KLHDC7B: variants seen among roughly 807,000 people sequenced by gnomAD.
KLHDC7B encodes kelch domain containing 7B, also known as kelch domain-containing protein 7B.
In KLHDC7B, 1 loss-of-function variant was observed where a neutral mutation model predicts 0.6. The ratio of observed to expected loss-of-function variants is 1.71; its 90% CI spans 0.61 to 8.11. KLHDC7B has a LOEUF of 8.11. Ranked by LOEUF, KLHDC7B falls within the 30% of genes most tolerant of loss-of-function variation. The probability of loss-of-function intolerance (pLI) is 0.13; values close to 1 mark genes in which losing one functional copy is unlikely to be tolerated. For synonymous variants in KLHDC7B, 462 were observed against 405.2 expected (o/e 1.14, Z -1.68); for missense variants, 993 against 894.9 (o/e 1.11, Z -1.40).
Position 50,549,464 on chromosome 22 carries a change from C to T in KLHDC7B, c.3221C>T (p.Pro1074Leu). Reference sequence around the variant, plus strand: ...ACAGACGCCTGGACCCCACGCGCGCCACTCCCCGCAGGCACCTTCCCTGTG... The same window carrying T: ...ACAGACGCCTGGACCCCACGCGCGCTACTCCCCGCAGGCACCTTCCCTGTG... ...PRTDAWTPRA[P>L]LPAGTFPVAH... The change falls in exon 1 of 1, where the codon CCA becomes CTA. Residue 1074 changes from proline (P) to leucine (L), a missense_variant. Transcript: ENST00000648057. 9 of 1,612,596 alleles carry T rather than the reference C, an allele frequency of 5.6e-6. No homozygotes were observed. Among genetic ancestry groups the T allele is most frequent in the Non-Finnish European group, 5.9e-6 (7 of 1,179,904 alleles).
chr22:50,548,015 CAT>C, upstream of KLHDC7B: 1 of 586,182 alleles, frequency 1.7e-6, no homozygotes, highest in Non-Finnish European at 2.5e-6. The surrounding 1 kb of genome is among the most constrained non-coding windows in gnomAD (Gnocchi z 5.3). Context: ...ACCCCAGCCG[CAT>C]CCCCTGCCCC....
Position 50,549,596 on chromosome 22 carries a change from C to T in KLHDC7B, c.3353C>T (p.Pro1118Leu), listed in dbSNP as rs2069781402. ...GTGAAGGATGCTTGGGACGAGTGCC[C>T]ATACAGTGCCAGCCACCGGCGTTCC... ...SPVKDAWDECPYSASHRRSSD... is the reference protein window; with the variant it reads ...SPVKDAWDECLYSASHRRSSD... The change falls in exon 1 of 1, where the codon CCA (proline) becomes CTA (leucine). Residue 1118 changes from proline (P) to leucine (L), a missense_variant. Pro to Leu is a moderately conservative substitution (Grantham distance 98). Transcript: ENST00000648057. The T allele has an allele frequency of 1.9e-6, 3 of 1,566,454 alleles. No individual in the cohort carries two copies. The highest frequency in any genetic ancestry group is 2.6e-6 in the Non-Finnish European group (3 of 1,152,504).
In KLHDC7B at chr22:50,548,697, G is replaced by C. The variant is rs771844779; in HGVS notation, c.2454G>C (p.Glu818Asp). Reference protein sequence around the residue: ...GRSGALTEKQEEARKLMVFLQ... With the variant: ...GRSGALTEKQDEARKLMVFLQ... ...GCGGGGCGCTCACGGAAAAGCAGGA[G>C]GAGGCCCGGAAGCTCATGGTGTTTC... The change falls in exon 1 of 1, where the codon GAG becomes GAC. Residue 818 changes from glutamate (E) to aspartate (D), a missense_variant. Transcript: ENST00000648057. The surrounding 1 kb of genome is among the most constrained non-coding windows in gnomAD (Gnocchi z 5.3). 65 of 1,518,966 alleles carry C rather than the reference G, an allele frequency of 4.3e-5. No individual in the cohort carries two copies. The highest frequency in any genetic ancestry group is 5.6e-5 in the Non-Finnish European group (63 of 1,134,140). The allele number at this position is 1,518,966 out of a possible 1,614,324, so 94.1% of individuals were successfully genotyped here.
chr22:50,549,131 T>C lies in KLHDC7B; in HGVS notation c.2888T>C (p.Leu963Pro). The C allele has an allele frequency of 6.2e-7, 1 of 1,602,960 alleles. No homozygotes were observed. The highest frequency in any genetic ancestry group is 8.5e-7 in the Non-Finnish European group (1 of 1,179,756). ...APVSLPLPAH[L>P]HVFNPRENTW... ...GTGTCCCTGCCTCTACCTGCGCACCTGCATGTGTTCAACCCCCGGGAGAAC... is the reference window on the plus strand; with the variant it reads ...GTGTCCCTGCCTCTACCTGCGCACCCGCATGTGTTCAACCCCCGGGAGAAC... Residue 963 changes from leucine (L) to proline (P), a missense_variant, in exon 1 of 1, where the codon CTG (leucine) becomes CCG (proline). Coordinates refer to ENST00000648057, the MANE Select transcript of KLHDC7B (RefSeq NM_138433.5).
At position 50,549,160 on chromosome 22, in the gene KLHDC7B, T is replaced by G. The variant is rs764925808; in HGVS notation, c.2917T>G (p.Trp973Gly). 1 of 1,604,542 alleles carries G rather than the reference T, an allele frequency of 6.2e-7. No homozygotes were observed. The change falls in exon 1 of 1, where the codon TGG (tryptophan) becomes GGG (glycine). Residue 973 changes from tryptophan to glycine, a missense_variant. Trp to Gly is a radical substitution (Grantham distance 184). Coordinates refer to ENST00000648057, the MANE Select transcript of KLHDC7B (RefSeq NM_138433.5). ...TGTGTTCAACCCCCGGGAGAACACC[T>G]GGCGGCCCCTGACCCAGGTGCCCGA... ...LHVFNPRENT[W>G]RPLTQVPEEA...
In KLHDC7B at chr22:50,548,279, G is replaced by GAC; in HGVS notation, c.116_117dup (p.Gly40ThrfsTer11). On this transcript the variant is annotated frameshift_variant, in exon 1 of 1. Transcript: ENST00000395676. LOFTEE classifies it low-confidence loss of function (END_TRUNC). The surrounding 1 kb of genome is among the most constrained non-coding windows in gnomAD (Gnocchi z 5.3). ...AGCACTTCCACACACTCTGAGGACA[G>GAC]ACACGGCCCCTCTTCTTCAGTGGGG... 6.4e-7 allele frequency: 1 copy of GAC among 1,551,216 alleles called. No homozygotes were observed. Among genetic ancestry groups the GAC allele is most frequent in the South Asian group, 1.2e-5 (1 of 84,060 alleles).
In KLHDC7B at chr22:50,548,315, G is replaced by C. The variant is rs2069756998; in HGVS notation, c.2072G>C (p.Gly691Ala). 2 of 1,551,112 alleles carry C rather than the reference G, an allele frequency of 1.3e-6. No individual in the cohort carries two copies. Among genetic ancestry groups the C allele is most frequent in the Non-Finnish European group, 1.7e-6 (2 of 1,146,940 alleles). Residue 691 changes from glycine (G) to alanine (A), a missense_variant, in exon 1 of 1, where the codon GGG (glycine) becomes GCG (alanine). Physicochemically the swap from Gly to Ala is moderately conservative, Grantham distance 60. Transcript: ENST00000648057. This position sits in a 1 kb window ranked among gnomAD's most constrained non-coding sequence, Gnocchi z 5.3. ...GPSSSVGTVI[G>A]TGTGGLVEAG... ...TCTTCTTCAGTGGGGACAGTCATAG[G>C]GACAGGTACAGGGGGCCTGGTTGAG...
rs2069792820 is a variant in KLHDC7B at position 50,550,234 on chromosome 22, C to T, written c.*283C>T. On this transcript the variant is annotated 3_prime_UTR_variant, in exon 1 of 1. Coordinates refer to ENST00000648057, the MANE Select transcript of KLHDC7B (RefSeq NM_138433.5). ...CTGACACCCCCCTGTCTGTGGGACTCCCTATTCCCTAGAGCCAGGGACTGA... is the reference window on the plus strand; with the variant it reads ...CTGACACCCCCCTGTCTGTGGGACTTCCTATTCCCTAGAGCCAGGGACTGA... 14 of 424,414 alleles carry T rather than the reference C, an allele frequency of 3.3e-5. No individual in the cohort carries two copies. In the East Asian group the frequency reaches 5.3e-4, roughly 16 times the overall value. The allele number at this position is 424,414 out of a possible 1,614,324, so 26.3% of individuals were successfully genotyped here.
rs968593634 is a variant in KLHDC7B, at chr22:50,550,978, T to C, written c.*1027T>C. ...GGCCCTTTTTCTGTTTTTTATTCTA[T>C]GTTCAGCACCACTGGCACCAAATAC... On this transcript the variant is annotated 3_prime_UTR_variant, in exon 1 of 1. Transcript: ENST00000648057. The C allele has an allele frequency of 3.8e-5, 15 of 390,768 alleles. No homozygotes were observed. Among genetic ancestry groups the C allele is most frequent in the Non-Finnish European group, 6.9e-5 (14 of 203,828 alleles). The allele number at this position is 390,768 out of a possible 1,614,324, so 24.2% of individuals were successfully genotyped here.
At position 50,547,699 on chromosome 22, in the gene KLHDC7B, T is replaced by C; in HGVS notation, c.1456T>C (p.Ser486Pro). Residue 486 changes from serine (S) to proline (P), a missense_variant, in exon 1 of 1, where the codon TCA (serine) becomes CCA (proline). Coordinates refer to ENST00000648057, the MANE Select transcript of KLHDC7B (RefSeq NM_138433.5). ...PASVLAPALA[S>P]SPSSAPTSAT... ...CTCAGTCCTAGCCCCAGCCCTGGCT[T>C]CATCCCCCAGCTCAGCACCAACCTC... 1 of 441,958 alleles carries C rather than the reference T, an allele frequency of 2.3e-6. No individual in the cohort carries two copies. The highest frequency in any genetic ancestry group is 4.0e-6 in the Non-Finnish European group (1 of 251,362). The allele number at this position is 441,958 out of a possible 1,614,324, so 27.4% of individuals were successfully genotyped here.
Position 50,548,242 on chromosome 22 carries a change from C to A in KLHDC7B, c.1999C>A (p.Pro667Thr). ...TGTCCCGAGGGCGGTTCCCGGGAGC[C>A]CCGTGGGTCCCAGCACTTCCACACA... ...GSVPRAVPGS[P>T]VGPSTSTHSE... is the part of the protein sequence containing the mutation. The change falls in exon 1 of 1, where the codon CCC (proline) becomes ACC (threonine). Residue 667 changes from proline to threonine, a missense_variant. Physicochemically the swap from Pro to Thr is conservative, Grantham distance 38. Transcript: ENST00000648057. This position sits in a 1 kb window ranked among gnomAD's most constrained non-coding sequence, Gnocchi z 5.3. 6.4e-7 allele frequency: 1 copy of A among 1,550,764 alleles called. No homozygotes were observed. The highest frequency in any genetic ancestry group is 8.7e-7 in the Non-Finnish European group (1 of 1,146,746).
In KLHDC7B at chr22:50,548,604, C is replaced by G. The variant is rs763608641; in HGVS notation, c.2361C>G (p.Val787=). ...TCGCCCCGAGCTCGGAGCAGGAGGTCAGGCCGGCCGCCTCGGGGGACCCTC... is the reference window on the plus strand; with the variant it reads ...TCGCCCCGAGCTCGGAGCAGGAGGTGAGGCCGGCCGCCTCGGGGGACCCTC... ...CEIAPSSEQE[V]RPAASGDPQG... Residue 787 remains valine (V), a synonymous_variant, in exon 1 of 1, where the codon GTC becomes GTG. Coordinates refer to ENST00000648057, the MANE Select transcript of KLHDC7B (RefSeq NM_138433.5). The surrounding 1 kb of genome is among the most constrained non-coding windows in gnomAD (Gnocchi z 5.3). 1.8e-5 allele frequency: 28 copies of G among 1,544,318 alleles called. 1 individual carries two copies. Among genetic ancestry groups the G allele is most frequent in the Non-Finnish European group, 2.3e-5 (26 of 1,145,828 alleles).
At position 50,549,748 on chromosome 22, in the gene KLHDC7B, G is replaced by GCCCCCCCCC; in HGVS notation, c.3510_3511insCCCCCCCCC (p.Pro1170_Ala1171insProProPro). ...CAGGGCTGCCTCCCTGCCCCTGCCC[G>GCCCCCCCCC]CCCCCGCCCCACTGCACTGCACCAC... On this transcript the variant is annotated inframe_insertion, in exon 1 of 1. Coordinates refer to ENST00000648057, the MANE Select transcript of KLHDC7B (RefSeq NM_138433.5). 6.9e-7 allele frequency: 1 copy of GCCCCCCCCC among 1,447,226 alleles called. No individual in the cohort carries two copies. Among genetic ancestry groups the GCCCCCCCCC allele is most frequent in the African/African-American group, 1.5e-5 (1 of 66,358 alleles). 89.6% of individuals were successfully genotyped at this position (1,447,226 alleles called of 1,614,324 possible).
At position 50,547,552 on chromosome 22, in the gene KLHDC7B, C is replaced by T; in HGVS notation, c.1309C>T (p.Leu437Phe). The T allele has an allele frequency of 2.5e-6, 1 of 399,180 alleles. No individual in the cohort carries two copies. The highest frequency in any genetic ancestry group is 4.4e-6 in the Non-Finnish European group (1 of 226,320). 24.7% of individuals were successfully genotyped at this position (399,180 alleles called of 1,614,324 possible). A position where few individuals can be genotyped will look rare whatever the true frequency, so the allele number is the denominator to read the frequency against. The change falls in exon 1 of 1, where the codon CTC becomes TTC. Residue 437 changes from leucine to phenylalanine, a missense_variant. Physicochemically the swap from Leu to Phe is conservative, Grantham distance 22. Coordinates refer to ENST00000648057, the MANE Select transcript of KLHDC7B (RefSeq NM_138433.5). ...GPGFPPEALTLPSPSDFLPLE... is the reference protein window; with the variant it reads ...GPGFPPEALTFPSPSDFLPLE... ...GGGGTTCCCACCTGAAGCCCTGACTCTCCCCTCTCCTTCAGACTTTTTGCC... is the reference window on the plus strand; with the variant it reads ...GGGGTTCCCACCTGAAGCCCTGACTTTCCCCTCTCCTTCAGACTTTTTGCC...
rs757615328 is a variant in KLHDC7B, at chr22:50,549,375, G to A, written c.3132G>A (p.Leu1044=). Residue 1044 remains leucine (L), a synonymous_variant, in exon 1 of 1, where the codon CTG becomes CTA. Coordinates refer to ENST00000648057, the MANE Select transcript of KLHDC7B (RefSeq NM_138433.5). ...QARAQLKLVA[L]DGLLYAIGGE... The stretch of plus-strand genomic sequence containing the variant: ...GAGCCCAGCTCAAGCTGGTGGCCCT[G>A]GACGGGCTGCTCTATGCCATCGGTG... 5 of 1,612,730 alleles carry A rather than the reference G, an allele frequency of 3.1e-6. No individual in the cohort carries two copies. The highest frequency in any genetic ancestry group is 1.7e-5 in the Admixed American group (1 of 60,010).
In KLHDC7B at chr22:50,546,622, G is replaced by A; in HGVS notation, c.379G>A (p.Ala127Thr). The change falls in exon 1 of 1, where the codon GCT becomes ACT. Residue 127 changes from alanine to threonine, a missense_variant. By Grantham distance (58) the Ala-to-Thr change is moderately conservative. Transcript: ENST00000648057. ...CATGGCCCGGCTTCCACTCAAGACG[G>A]CTGTCGAGGAGGCCCGCAGAGAGGC... is the stretch of plus-strand genomic sequence containing the variant. Reference protein sequence around the residue: ...AAMARLPLKTAVEEARREALG... With the variant: ...AAMARLPLKTTVEEARREALG... The A allele has an allele frequency of 5.0e-6, 2 of 396,970 alleles. No individual in the cohort carries two copies. The highest frequency in any genetic ancestry group is 6.3e-4 in the Middle Eastern group (1 of 1,588). The allele number at this position is 396,970 out of a possible 1,614,324, so 24.6% of individuals were successfully genotyped here. A position where few individuals can be genotyped will look rare whatever the true frequency, so the allele number is the denominator to read the frequency against.
chr22:50,548,984 G>A lies in KLHDC7B; in HGVS notation c.2741G>A (p.Ser914Asn). Residue 914 changes from serine to asparagine, a missense_variant, in exon 1 of 1, where the codon AGC (serine) becomes AAC (asparagine). By Grantham distance (46) the Ser-to-Asn change is conservative (BLOSUM62 1). Coordinates refer to ENST00000648057, the MANE Select transcript of KLHDC7B (RefSeq NM_138433.5). This position sits in a 1 kb window ranked among gnomAD's most constrained non-coding sequence, Gnocchi z 5.3. ...LSAADRERILSLRTGRGRAVL... is the reference protein window; with the variant it reads ...LSAADRERILNLRTGRGRAVL... Reference sequence around the variant, plus strand: ...GCGGCCGACCGCGAGCGCATCCTCAGCCTGCGGACCGGCCGGGGCCGGGCG... The same window carrying A: ...GCGGCCGACCGCGAGCGCATCCTCAACCTGCGGACCGGCCGGGGCCGGGCG... 1 of 1,598,260 alleles carries A rather than the reference G, an allele frequency of 6.3e-7. No individual in the cohort carries two copies. Among genetic ancestry groups the A allele is most frequent in the Non-Finnish European group, 8.5e-7 (1 of 1,174,982 alleles).
rs1468314328 is a variant in KLHDC7B, at chr22:50,547,085, C to T, written c.842C>T (p.Pro281Leu). Among the ~76,000 whole-genome samples, 2 of 151,874 alleles carry T rather than the reference C, an allele frequency of 1.3e-5. No individual in the cohort carries two copies. Among genetic ancestry groups the T allele is most frequent in the Non-Finnish European group, 2.9e-5 (2 of 67,922 alleles). Residue 281 changes from proline (P) to leucine (L), a missense_variant, in exon 1 of 1, where the codon CCA becomes CTA. Transcript: ENST00000648057. Reference sequence around the variant, plus strand: ...GCGCGCGGCCTCCCCACAGGACCCCCACTCGCCCAGGAGCCCGCACTCCCG... The same window carrying T: ...GCGCGCGGCCTCCCCACAGGACCCCTACTCGCCCAGGAGCCCGCACTCCCG... ...AHARGLPTGP[P>L]LAQEPALPAL... is the part of the protein sequence containing the mutation.
chr22:50,546,073 A>AC lies in KLHDC7B; in HGVS notation c.-166dup, dbSNP rs1307655433. Among the ~76,000 whole-genome samples, 2 of 151,848 alleles carry AC rather than the reference A, an allele frequency of 1.3e-5. No homozygotes were observed. Among genetic ancestry groups the AC allele is most frequent in the Admixed American group, 1.3e-4 (2 of 15,250 alleles). ...ATATCTGCAGCCAGGCCCTACTGAC[A>AC]CCCCCAGGCCTGAGTGCAAGCAGAG... On this transcript the variant is annotated 5_prime_UTR_variant, in exon 1 of 1. Transcript: ENST00000648057.
Sources: allele counts gnomAD v4.1 joint callset (sites outside exome capture counted in the v4.1 genomes callset), GRCh38; gene constraint gnomAD v4.1.1; non-coding constraint Gnocchi (gnomAD v3.1); transcripts MANE v1.5; gene names NCBI Gene and HGNC (gene_info 2026-07-23, HGNC 2026-07-21).